The following DCAF13 variants were observed in gnomAD, a reference collection of about 807,000 sequenced individuals.
DCAF13 encodes the protein DDB1- and CUL4-associated factor 13.
A neutral mutation model predicts 59.0 loss-of-function variants in DCAF13; 38 were observed. The ratio of observed to expected loss-of-function variants is 0.64; its 90% confidence interval spans 0.50 to 0.84. The LOEUF (loss-of-function observed/expected upper bound fraction) is 0.84. DCAF13 is among the 40% of genes least tolerant of loss of function. The probability of loss-of-function intolerance (pLI) is 0.00; values close to 1 mark genes in which losing one functional copy is unlikely to be tolerated. For synonymous variants in DCAF13, 173 were observed against 175.0 expected, an observed-to-expected ratio of 0.99 and a Z score of 0.09; for missense variants, 469 against 558.4, an observed-to-expected ratio of 0.84 and a Z score of 1.61.
rs148038403 is a variant in DCAF13, at chr8:103,441,432, G to T, written c.1087-23G>T. The T allele has an allele frequency of 1.2e-3, 1,883 of 1,571,840 alleles. 21 individuals are homozygous for T. The African/African-American group carries it at 0.022, about 18-fold the overall frequency. ...AGCAAAACAACACACTATTCATTAA[G>T]ATACCAAAATGTGTATTTTCAGCTT... On this transcript the variant is annotated intron_variant, in intron 9 of 10. Coordinates refer to ENST00000612750, the MANE Select transcript of DCAF13 (RefSeq NM_015420.7).
Position 103,420,401 on chromosome 8 carries a change from A to G in DCAF13, c.208A>G (p.Asn70Asp). ...GCTGGATGGTCACCGTGATGGAGTC[A>G]ATTGCTTGGCAAAGCATCCAGAGAA... ...ASLDGHRDGV[N>D]CLAKHPEKLA... Residue 70 changes from asparagine to aspartate, a missense_variant, in exon 2 of 11, where the codon AAT (asparagine) becomes GAT (aspartate). Asn to Asp is a conservative substitution (Grantham distance 23). Transcript: ENST00000612750. 1.2e-6 allele frequency: 2 copies of G among 1,614,170 alleles called. No homozygotes were observed. Among genetic ancestry groups the G allele is most frequent in the Non-Finnish European group, 1.7e-6 (2 of 1,180,026 alleles).
At chr8:103,441,755 C>T in intron 10 of DCAF13, 137 bp downstream of exon 10, 3 of 818,334 alleles carry the variant, frequency 3.7e-6, no homozygotes, top group South Asian at 3.5e-5. Flanking sequence ...TGTTTGAAGA[C>T]TTCTACAGAA....
In DCAF13 at chr8:103,417,138, G is replaced by C. The variant is rs371569836; in HGVS notation, c.70+1622G>C. ...AGTCCCACTCTTTAAGAGGTTTACA[G>C]TGATTGAAATCACATCTGTTAACCA... is the stretch of plus-strand genomic sequence containing the variant. On this transcript the variant is annotated intron_variant, in intron 1 of 10. Coordinates refer to ENST00000612750, the MANE Select transcript of DCAF13 (RefSeq NM_015420.7). 2.2e-3 allele frequency among the ~76,000 whole-genome samples: 339 copies of C among 152,348 alleles called. 5 individuals carry two copies. Among genetic ancestry groups the C allele is most frequent in the African/African-American group, 7.6e-3 (314 of 41,576 alleles).
chr8:103,421,865 A>G (rs1397322468), intron 3 of DCAF13, among the ~76,000 whole-genome samples: 2 of 152,220 alleles, frequency 1.3e-5, no homozygotes, highest in Non-Finnish European at 2.9e-5. Context: ...CCGTTCATTC[A>G]TCAATGAGCA....
Position 103,415,524 on chromosome 8 carries a change from A to T in DCAF13, c.70+8A>T. ...AGTTGGACTTACAGAGAGGTAAGAT[A>T]AGTTGGTAGGGAGAAAGGGACGGTT... On this transcript the variant is annotated splice_region_variant and intron_variant, in intron 1 of 10. Coordinates refer to ENST00000612750, the MANE Select transcript of DCAF13 (RefSeq NM_015420.7). 2 of 1,598,972 alleles carry T rather than the reference A, an allele frequency of 1.3e-6. No individual in the cohort carries two copies. Among genetic ancestry groups the T allele is most frequent in the Non-Finnish European group, 1.7e-6 (2 of 1,170,420 alleles).
intron 8 of DCAF13, among the ~76,000 whole-genome samples, chr8:103,438,207 G>C (rs573891207): frequency 2.9e-4 from 44 of 152,158 alleles, no homozygotes; most frequent in Non-Finnish European, 5.0e-4. Flanking sequence ...GGCTTCTTAG[G>C]TATGTGGAGA....
chr8:103,427,715 C>T (rs560034611), intron 5 of DCAF13: 1 of 156,488 alleles, frequency 6.4e-6, no homozygotes, highest in African/African-American at 2.4e-5. Context: ...TGTTGAACTG[C>T]ATGGTAATTA....
chr8:103,420,466 A>T lies in DCAF13; in HGVS notation c.270+3A>T, dbSNP rs1435392863. 6.2e-7 allele frequency: 1 copy of T among 1,612,102 alleles called. No homozygotes were observed. The highest frequency in any genetic ancestry group is 8.5e-7 in the Non-Finnish European group (1 of 1,178,860). ...TTTCTGGGGCGTGTGATGGAGAGGC[A>T]AGTGTCAATCTAGATGATATTTTCA... On this transcript the variant is annotated splice_donor_region_variant and intron_variant, in intron 2 of 10. Coordinates refer to ENST00000612750, the MANE Select transcript of DCAF13 (RefSeq NM_015420.7).
intron 5 of DCAF13, chr8:103,428,750 A>C (rs1014451797): frequency 3.9e-5 from 6 of 152,106 alleles, no homozygotes; most frequent in Non-Finnish European, 8.8e-5. Flanking sequence ...ACTGGTTCTT[A>C]CTATTTAGAG....
chr8:103,427,263 T>G lies in DCAF13; in HGVS notation c.624+11T>G. On this transcript the variant is annotated intron_variant, in intron 5 of 10. Coordinates refer to ENST00000612750, the MANE Select transcript of DCAF13 (RefSeq NM_015420.7). ...TTTAACCCAATTGAGGTAATGTTTT[T>G]TTTTAAGTATGTTTTACTTATTATG... 7 of 1,605,106 alleles carry G rather than the reference T, an allele frequency of 4.4e-6. No homozygotes were observed. The highest frequency in any genetic ancestry group is 6.0e-6 in the Non-Finnish European group (7 of 1,174,132).
Position 103,442,895 on chromosome 8 carries a change from A to G in DCAF13, c.*13A>G, listed in dbSNP as rs1817029401. ...AGTTGTAAAATAATTGGTATTCCTA[A>G]CAATCCTGATGTATAATTATTTGTT... On this transcript the variant is annotated 3_prime_UTR_variant, in exon 11 of 11. Transcript: ENST00000612750. The G allele has an allele frequency of 1.3e-6, 2 of 1,544,858 alleles. No individual in the cohort carries two copies. Among genetic ancestry groups the G allele is most frequent in the South Asian group, 1.2e-5 (1 of 85,340 alleles).
Position 103,421,001 on chromosome 8 carries a change from G to A in DCAF13, c.297G>A (p.Arg99=), listed in dbSNP as rs1195998751. 6.2e-7 allele frequency: 1 copy of A among 1,613,020 alleles called. No homozygotes were observed. Among genetic ancestry groups the A allele is most frequent in the Non-Finnish European group, 8.5e-7 (1 of 1,179,174 alleles). Residue 99 remains arginine (R), a synonymous_variant, in exon 3 of 11, where the codon CGG becomes CGA. Coordinates refer to ENST00000612750, the MANE Select transcript of DCAF13 (RefSeq NM_015420.7). ...GEVRIWNLTQ[R]NCIRTIQAHE... is the part of the protein sequence containing the mutation. ...TTAGAATTTGGAATCTAACTCAGCGGAATTGTATCCGTACAATACAAGCAC... is the reference window on the plus strand; with the variant it reads ...TTAGAATTTGGAATCTAACTCAGCGAAATTGTATCCGTACAATACAAGCAC...
chr8:103,442,747 A>T, intron 10 of DCAF13, 48 bp from the exon 11 acceptor site: 1 of 1,268,232 alleles, frequency 7.9e-7, no homozygotes, highest in Non-Finnish European at 1.1e-6. Flanking sequence ...AGTTTTCTTT[A>T]AGATGAGTTC....
At chr8:103,422,120 T>C (rs3098237) in intron 3 of DCAF13, among the ~76,000 whole-genome samples, 76,697 of 151,986 alleles carry the variant, frequency 0.5, 20,101 homozygotes, top group African/African-American at 0.66. Flanking sequence ...CAGTGGTTGA[T>C]ACTTTGGAGG....
At chr8:103,423,806 TAAA>T (rs1418016340) in intron 3 of DCAF13, among the ~76,000 whole-genome samples, 1 of 152,094 alleles carries the variant, frequency 6.6e-6, no homozygotes, top group Non-Finnish European at 1.5e-5. Context: ...GTAAATTAAA[TAAA>T]AAACATTTTA....
At chr8:103,416,238 A>T (rs1816610596) in intron 1 of DCAF13, among the ~76,000 whole-genome samples, 2 of 152,244 alleles carry the variant, frequency 1.3e-5, no homozygotes, top group African/African-American at 4.8e-5. Flanking sequence ...GATGAGGCGA[A>T]AACAGTATTT....
chr8:103,415,940 C>T (rs978847088), intron 1 of DCAF13, among the ~76,000 whole-genome samples: 2 of 152,156 alleles, frequency 1.3e-5, no homozygotes, highest in African/African-American at 2.4e-5. Context: ...TTGGAAGAGA[C>T]AAAGATGAAT....
At chr8:103,432,570 A>G (rs761994850) in intron 6 of DCAF13, 89 bp from the exon 7 acceptor site, 8 of 751,024 alleles carry the variant, frequency 1.1e-5, no homozygotes, top group South Asian at 1.6e-5. Flanking sequence ...TACTTTACAC[A>G]TAATAGGTGT....
At chr8:103,426,339 T>A (rs1816792907) in intron 4 of DCAF13, among the ~76,000 whole-genome samples, 194 bp downstream of exon 4, 1 of 152,118 alleles carries the variant, frequency 6.6e-6, no homozygotes, top group East Asian at 1.9e-4. Context: ...TTAACAGTTT[T>A]TTTTTTTTTT....
Sources: gnomAD v4.1 joint callset for allele counts (sites outside exome capture counted in the v4.1 genomes callset) on GRCh38, gnomAD v4.1.1 for gene constraint, MANE v1.5 for transcripts, NCBI Gene and HGNC (gene_info 2026-07-23, HGNC 2026-07-21) for gene names.